PDE6D: variants seen among roughly 807,000 people sequenced by gnomAD.
The protein encoded by PDE6D is phosphodiesterase 6D.
In PDE6D, 10 loss-of-function variants were observed where a neutral mutation model predicts 21.9. The ratio of observed to expected loss-of-function variants is 0.46; its 90% CI spans 0.28 to 0.78. The LOEUF is 0.78. Among genes scored for constraint, PDE6D ranks in the 30% least tolerant of loss-of-function variants. The pLI, the probability that PDE6D is intolerant of heterozygous loss-of-function variation, is 0.12. For synonymous variants in PDE6D, 59 were observed against 63.5 expected, an observed-to-expected ratio of 0.93 and a Z score of 0.34; for missense variants, 139 against 184.8, an observed-to-expected ratio of 0.75 and a Z score of 1.44.
At chr2:231,740,841 G>A (rs1051253845) in intron 1 of PDE6D, among the ~76,000 whole-genome samples, 13 of 151,426 alleles carry the variant, frequency 8.6e-5, no homozygotes, top group African/African-American at 2.7e-4. Flanking sequence ...AGAAAATTTC[G>A]TAGATGGAAA....
chr2:231,742,699 ACT>A (rs780379177), intron 1 of PDE6D, among the ~76,000 whole-genome samples: 1 of 152,044 alleles, frequency 6.6e-6, no homozygotes, highest in Non-Finnish European at 1.5e-5. Context: ...TTGTGATCAG[ACT>A]CTCTTCCCAA....
chr2:231,745,229 C>A (rs2693781), intron 1 of PDE6D, among the ~76,000 whole-genome samples: 65,919 of 149,884 alleles, frequency 0.44, 17,173 homozygotes, highest in African/African-American at 0.74. Context: ...AACAAAAACA[C>A]ACAAAAAAAA....
intron 1 of PDE6D, among the ~76,000 whole-genome samples, chr2:231,748,030 T>C (rs2048808659): frequency 6.6e-6 from 1 of 152,120 alleles, no homozygotes; most frequent in Non-Finnish European, 1.5e-5. Flanking sequence ...CAGTTTCGGG[T>C]ATGTCTTTAT....
In PDE6D at chr2:231,737,268, A is replaced by G; in HGVS notation, c.290T>C (p.Val97Ala). 6.2e-7 allele frequency: 1 copy of G among 1,610,924 alleles called. No individual in the cohort carries two copies. The highest frequency in any genetic ancestry group is 8.5e-7 in the Non-Finnish European group (1 of 1,177,102). ...LEEWFFEFGF[V>A]IPNSTNTWQS... Reference sequence around the variant, plus strand: ...CCAGGTATTTGTGGAGTTAGGGATCACAAAGCCAAACTCGAAGAACCATTC... The same window carrying G: ...CCAGGTATTTGTGGAGTTAGGGATCGCAAAGCCAAACTCGAAGAACCATTC... The change falls in exon 4 of 5, where the codon GTG becomes GCG. Residue 97 changes from valine to alanine, a missense_variant. Val to Ala is a moderately conservative substitution (Grantham distance 64). Transcript: ENST00000287600.
At chr2:231,742,303 A>C (rs1266467766) in intron 1 of PDE6D, among the ~76,000 whole-genome samples, 1 of 151,948 alleles carries the variant, frequency 6.6e-6, no homozygotes, top group African/African-American at 2.4e-5. Context: ...TGTATTTTTA[A>C]CTGGAGATGG....
intron 1 of PDE6D, among the ~76,000 whole-genome samples, chr2:231,769,602 A>C (rs1402547402): frequency 6.6e-6 from 1 of 151,998 alleles, no homozygotes; most frequent in Non-Finnish European, 1.5e-5. Context: ...ACACACATGC[A>C]CACAGACACA....
At chr2:231,753,594 TAAAA>T (rs1264871378) in intron 1 of PDE6D, among the ~76,000 whole-genome samples, 3 of 146,432 alleles carry the variant, frequency 2.0e-5, no homozygotes, top group African/African-American at 7.3e-5. Context: ...AACAAACAAA[TAAAA>T]ATAAATAAAT....
intron 1 of PDE6D, among the ~76,000 whole-genome samples, chr2:231,760,730 T>A (rs2048918881): frequency 6.6e-6 from 1 of 152,190 alleles, no homozygotes; most frequent in South Asian, 2.1e-4. Flanking sequence ...GGATACAAGA[T>A]GCCAGATCAG....
intron 1 of PDE6D, among the ~76,000 whole-genome samples, chr2:231,775,974 T>C (rs190481888): frequency 3.3e-5 from 5 of 152,270 alleles, no homozygotes; most frequent in Admixed American, 3.3e-4. Flanking sequence ...TATATTTTTA[T>C]GTTGATGAAA....
intron 1 of PDE6D, among the ~76,000 whole-genome samples, chr2:231,776,274 T>C (rs570104816): frequency 1.5e-5 from 2 of 130,766 alleles, no homozygotes; most frequent in Admixed American, 9.5e-5. Flanking sequence ...TGAGTTGAGA[T>C]CACATCACTG....
At chr2:231,766,085 G>T (rs1178990928) in intron 1 of PDE6D, among the ~76,000 whole-genome samples, 1 of 152,116 alleles carries the variant, frequency 6.6e-6, no homozygotes, top group Non-Finnish European at 1.5e-5. Context: ...CATTTATGGG[G>T]GATAAGATGA....
chr2:231,774,360 T>C (rs2049038157), intron 1 of PDE6D, among the ~76,000 whole-genome samples: 1 of 152,208 alleles, frequency 6.6e-6, no homozygotes, highest in Non-Finnish European at 1.5e-5. Context: ...TAATATGAGA[T>C]ACAGATGCTG....
chr2:231,749,707 AT>A (rs1190779103), intron 1 of PDE6D, among the ~76,000 whole-genome samples: 2 of 151,622 alleles, frequency 1.3e-5, no homozygotes, highest in African/African-American at 4.9e-5. Flanking sequence ...AGTTTTTTGT[AT>A]TTTTTAGTAA....
chr2:231,733,074 C>T, intron 4 of PDE6D, 41 bp from the exon 5 acceptor site: 1 of 1,290,190 alleles, frequency 7.8e-7, no homozygotes, highest in Non-Finnish European at 1.1e-6. Flanking sequence ...AGAGAGTGAG[C>T]ATGTTAGGCA....
At chr2:231,751,555 C>A (rs1160680899) in intron 1 of PDE6D, among the ~76,000 whole-genome samples, 5 of 152,134 alleles carry the variant, frequency 3.3e-5, no homozygotes, top group Non-Finnish European at 1.5e-5. Flanking sequence ...ACTAAGGAAC[C>A]AATATTGATG....
At chr2:231,756,601 CT>C (rs78576087) in intron 1 of PDE6D, among the ~76,000 whole-genome samples, 26,678 of 116,180 alleles carry the variant, frequency 0.23, 1,898 homozygotes, top group Non-Finnish European at 0.28. Flanking sequence ...CTAAACCTGG[CT>C]TTTTTTTTTT....
chr2:231,779,253 G>A (rs1420128043), intron 1 of PDE6D: 3 of 152,134 alleles, frequency 2.0e-5, no homozygotes, highest in Non-Finnish European at 4.4e-5. Context: ...TCACTGAATC[G>A]GTTGATTCGC....
chr2:231,740,412 G>A (rs913075020), intron 1 of PDE6D, among the ~76,000 whole-genome samples: 1 of 152,130 alleles, frequency 6.6e-6, no homozygotes, highest in Admixed American at 6.6e-5. Flanking sequence ...GCTGAGTGTG[G>A]TGGCTCACAC....
At chr2:231,752,861 T>C (rs1173172564) in intron 1 of PDE6D, among the ~76,000 whole-genome samples, 2 of 127,080 alleles carry the variant, frequency 1.6e-5, no homozygotes, top group African/African-American at 3.0e-5. Context: ...TGAGACGGAG[T>C]CTCACTCTGT....
Sources: allele counts gnomAD v4.1 joint callset (sites outside exome capture counted in the v4.1 genomes callset), GRCh38; gene constraint gnomAD v4.1.1; transcripts MANE v1.5; gene names NCBI Gene and HGNC (gene_info 2026-07-23, HGNC 2026-07-21).